The following MGLL variants were observed in gnomAD, a reference collection of about 807,000 sequenced individuals.
MGLL encodes monoglyceride lipase, also known as lysophospholipase homolog.
Under a neutral mutation model 29.1 loss-of-function variants are expected in MGLL, and 7 were observed. The ratio of observed to expected loss-of-function variants is 0.24; its 90% CI spans 0.14 to 0.45. The LOEUF (loss-of-function observed/expected upper bound fraction) is 0.45. Ranked by LOEUF, MGLL falls within the 20% of genes least tolerant of loss-of-function variation. MGLL has a pLI of 0.99. For synonymous variants in MGLL, 148 were observed against 168.3 expected (o/e 0.88, Z 0.93); for missense variants, 356 against 413.6 (o/e 0.86, Z 1.21).
intron 2 of MGLL, among the ~76,000 whole-genome samples, chr3:127,783,491 C>A (rs1364321705): frequency 6.6e-6 from 1 of 152,228 alleles, no homozygotes; most frequent in African/African-American, 2.4e-5. Flanking sequence ...TGTATCCCAG[C>A]CGAGCAACAT....
At chr3:127,700,350 C>A (rs902344551) in intron 6 of MGLL, among the ~76,000 whole-genome samples, 14 of 152,346 alleles carry the variant, frequency 9.2e-5, no homozygotes, top group Admixed American at 2.6e-4. Flanking sequence ...TGTCTCCCAT[C>A]ACAAACAGCT....
At chr3:127,773,631 G>A (rs976687557) in intron 3 of MGLL, among the ~76,000 whole-genome samples, 1 of 152,212 alleles carries the variant, frequency 6.6e-6, no homozygotes, top group Non-Finnish European at 1.5e-5. Flanking sequence ...GCTGCCTTAA[G>A]TTGCACCCAC....
At chr3:127,803,229 C>T (rs1046024451) in intron 2 of MGLL, among the ~76,000 whole-genome samples, 6 of 151,856 alleles carry the variant, frequency 4.0e-5, no homozygotes, top group Non-Finnish European at 7.4e-5. Flanking sequence ...ATCCACCTGC[C>T]TCAGCCTGCC....
At position 127,717,080 on chromosome 3, in the gene MGLL, G is replaced by A. The variant is rs561477529; in HGVS notation, c.510+3973C>T. ...AAGCCCAACACCCAGCTATTAGAGA[G>A]CAGGTGCCCACAGGACAGAGGTGAA... On this transcript the variant is annotated intron_variant, in intron 5 of 7. Coordinates refer to ENST00000265052, the MANE Select transcript of MGLL (RefSeq NM_007283.7). 4.6e-5 allele frequency among the ~76,000 whole-genome samples: 7 copies of A among 152,332 alleles called. No individual in the cohort carries two copies. In the South Asian group the frequency reaches 1.5e-3, roughly 32 times the overall value.
At chr3:127,762,073 C>G (rs2076774382) in intron 3 of MGLL, among the ~76,000 whole-genome samples, 1 of 152,120 alleles carries the variant, frequency 6.6e-6, no homozygotes, top group South Asian at 2.1e-4. Context: ...GCTTTACCTG[C>G]CTTGGAAAAT....
At chr3:127,767,400 T>C (rs1015656628) in intron 3 of MGLL, among the ~76,000 whole-genome samples, 5 of 152,198 alleles carry the variant, frequency 3.3e-5, no homozygotes, top group South Asian at 2.1e-4. Context: ...TTGTTTATAA[T>C]TGCAGTCATA....
chr3:127,774,194 C>A (rs2076995031), intron 3 of MGLL, among the ~76,000 whole-genome samples: 1 of 152,210 alleles, frequency 6.6e-6, no homozygotes, highest in Admixed American at 6.5e-5. Flanking sequence ...CTGAGAGCAC[C>A]CTGCTAGCCC....
intron 3 of MGLL, among the ~76,000 whole-genome samples, chr3:127,741,786 T>C (rs1476456012): frequency 2.0e-5 from 3 of 152,250 alleles, no homozygotes; most frequent in Non-Finnish European, 4.4e-5. Flanking sequence ...GTAACAAGCA[T>C]TTCCTAAATA....
At chr3:127,786,478 G>C (rs936821783) in intron 2 of MGLL, among the ~76,000 whole-genome samples, 1 of 152,236 alleles carries the variant, frequency 6.6e-6, no homozygotes, top group East Asian at 1.9e-4. Context: ...CAGTCGTTCA[G>C]GGAGAAGGCA....
In MGLL at chr3:127,761,866, G is replaced by A. The variant is rs543652018; in HGVS notation, c.262+19923C>T. ...GCGTAGTGCACCCAGCGCACTTGCC[G>A]GGGAGTTGTGACTGCATCTGAGGAT... On this transcript the variant is annotated intron_variant, in intron 3 of 7. Transcript: ENST00000265052. This position sits in a 1 kb window ranked among gnomAD's most constrained non-coding sequence, Gnocchi z 4.6. 6.6e-4 allele frequency among the ~76,000 whole-genome samples: 101 copies of A among 152,228 alleles called. 1 individual carries two copies. The highest frequency in any genetic ancestry group is 3.4e-3 in the Middle Eastern group (1 of 294).
intron 6 of MGLL, among the ~76,000 whole-genome samples, chr3:127,697,985 C>G (rs1239428455): frequency 6.6e-6 from 1 of 152,206 alleles, no homozygotes; most frequent in Admixed American, 6.5e-5. Flanking sequence ...TGCTGCTTTG[C>G]CCCGCTGACC....
chr3:127,737,626 G>C (rs928020458), intron 3 of MGLL, among the ~76,000 whole-genome samples: 3 of 86,488 alleles, frequency 3.5e-5, no homozygotes, highest in Admixed American at 1.4e-4. Context: ...ATCATCAACT[G>C]CTTCTTTTTT....
At chr3:127,765,698 A>G (rs560322878) in intron 3 of MGLL, among the ~76,000 whole-genome samples, 14 of 152,340 alleles carry the variant, frequency 9.2e-5, no homozygotes, top group Middle Eastern at 3.4e-3. Flanking sequence ...TACCCCCAAC[A>G]TCACTGAAGG....
intron 3 of MGLL, among the ~76,000 whole-genome samples, chr3:127,754,164 C>T (rs948727049): frequency 4.6e-5 from 7 of 152,204 alleles, no homozygotes; most frequent in Non-Finnish European, 8.8e-5. Context: ...CCAGCTTCCT[C>T]CTTGGCAGGG....
chr3:127,708,834 G>A (rs7630461), intron 6 of MGLL, among the ~76,000 whole-genome samples: 60,080 of 152,132 alleles, frequency 0.39, 12,012 homozygotes, highest in Middle Eastern at 0.55. Context: ...AGTGGGTCCC[G>A]TACAGAGAGC....
chr3:127,781,181 ATGTATGTG>A lies in MGLL; in HGVS notation c.262+600_262+607del, dbSNP rs560424690. Among the ~76,000 whole-genome samples the A allele has an allele frequency of 1.7e-3, 253 of 152,176 alleles. 1 individual carries two copies. The highest frequency in any genetic ancestry group is 3.1e-3 in the Non-Finnish European group (213 of 67,992). ...TGTAAATGTGTAGGTGCACATGTGT[ATGTATGTG>A]TGTATGTGTGTTTTACGTGTATGTG... is the stretch of plus-strand genomic sequence containing the variant. On this transcript the variant is annotated intron_variant, in intron 3 of 7. Coordinates refer to ENST00000265052, the MANE Select transcript of MGLL (RefSeq NM_007283.7).
chr3:127,783,052 G>A (rs1314230498), intron 2 of MGLL, among the ~76,000 whole-genome samples: 1 of 135,332 alleles, frequency 7.4e-6, no homozygotes, highest in Admixed American at 8.5e-5. Context: ...GCACACACCT[G>A]TAATCCCAGC....
chr3:127,745,082 G>A (rs78610503), intron 3 of MGLL, among the ~76,000 whole-genome samples: 1,901 of 152,300 alleles, frequency 0.012, 37 homozygotes, highest in African/African-American at 0.044. Context: ...CAGCTGCTAC[G>A]TCTTAGCTGT....
At chr3:127,766,693 A>G (rs1249978024) in intron 3 of MGLL, among the ~76,000 whole-genome samples, 1 of 152,260 alleles carries the variant, frequency 6.6e-6, no homozygotes, top group Non-Finnish European at 1.5e-5. Flanking sequence ...ATGCAAAACC[A>G]CATGACATAA....
Sources: allele counts gnomAD v4.1 joint callset (sites outside exome capture counted in the v4.1 genomes callset), GRCh38; gene constraint gnomAD v4.1.1; non-coding constraint Gnocchi (gnomAD v3.1); transcripts MANE v1.5; gene names NCBI Gene and HGNC (gene_info 2026-07-23, HGNC 2026-07-21).